Variants in AP2B1 observed in about 807,000 individuals in gnomAD.
The protein encoded by AP2B1 is adaptor related protein complex 2 subunit beta 1.
AP2B1 carries 23 observed loss-of-function variants against 102.0 expected under a neutral mutation model. That is an observed-to-expected ratio of 0.23 (90% CI 0.16 to 0.32). AP2B1 has a LOEUF of 0.32. AP2B1 is among the 10% of genes least tolerant of loss of function. AP2B1 has a pLI of 1.00. For synonymous variants in AP2B1, 381 were observed against 421.2 expected, an observed-to-expected ratio of 0.90 and a Z score of 1.17; for missense variants, 541 against 1,157.4, an observed-to-expected ratio of 0.47 and a Z score of 7.73.
At chr17:35,668,092 C>G (rs1310287424) in intron 14 of AP2B1, among the ~76,000 whole-genome samples, 2 of 151,954 alleles carry the variant, frequency 1.3e-5, no homozygotes, top group African/African-American at 4.8e-5. Context: ...TTCCCGTCAC[C>G]AGGCCCAGCT....
intron 17 of AP2B1, among the ~76,000 whole-genome samples, chr17:35,677,771 C>A (rs1382832104): frequency 1.3e-5 from 2 of 151,474 alleles, no homozygotes; most frequent in East Asian, 3.9e-4. Context: ...TCTTTAATTT[C>A]TTTTTGCAAT....
intron 5 of AP2B1, among the ~76,000 whole-genome samples, chr17:35,612,182 C>G (rs2073884425): frequency 6.6e-6 from 1 of 152,152 alleles, no homozygotes. Context: ...CAGAACTTTT[C>G]TGATATTGTT....
rs988039764 is a variant in AP2B1, at chr17:35,605,896, G to A, written c.279+56G>A. 3.8e-6 allele frequency: 6 copies of A among 1,581,462 alleles called. No individual in the cohort carries two copies. The African/African-American group carries it at 6.8e-5, about 18-fold the overall frequency. ...TTTGAATTGCAAATAAGTAACCTCT[G>A]TTCACAAGGAAGGAGTGTAGGGAAG... On this transcript the variant is annotated intron_variant, in intron 4 of 21. Transcript: ENST00000610402.
chr17:35,667,589 G>A (rs1432010766), intron 14 of AP2B1, among the ~76,000 whole-genome samples: 1 of 152,150 alleles, frequency 6.6e-6, no homozygotes, highest in Admixed American at 6.5e-5. Flanking sequence ...ATCATTCAAC[G>A]ATAAAAAGAA....
intron 18 of AP2B1, among the ~76,000 whole-genome samples, chr17:35,685,227 G>A (rs1430915097): frequency 6.6e-6 from 1 of 152,120 alleles, no homozygotes; most frequent in Non-Finnish European, 1.5e-5. Context: ...AACAAAACTT[G>A]AAAAGAGAAA....
At chr17:35,682,905 T>C (rs1247833811) in intron 18 of AP2B1, 81 bp downstream of exon 18, 1 of 1,335,324 alleles carries the variant, frequency 7.5e-7, no homozygotes, top group East Asian at 3.2e-5. Context: ...AAAGACACAG[T>C]CTTACTCTGT....
At chr17:35,720,947 G>C (rs2085372270) in intron 21 of AP2B1, among the ~76,000 whole-genome samples, 3 of 152,016 alleles carry the variant, frequency 2.0e-5, no homozygotes. Context: ...AGAGGTATCT[G>C]ATTTGCCTAT....
At chr17:35,689,305 G>A (rs1202559140) in intron 18 of AP2B1, among the ~76,000 whole-genome samples, 3 of 152,062 alleles carry the variant, frequency 2.0e-5, no homozygotes, top group Admixed American at 6.6e-5. Context: ...TCGGCCTCCC[G>A]AGTAGCTGGG....
intron 14 of AP2B1, among the ~76,000 whole-genome samples, chr17:35,662,982 C>T (rs1056104987): frequency 3.3e-5 from 5 of 152,202 alleles, no homozygotes; most frequent in Non-Finnish European, 4.4e-5. Context: ...CTGCCTTTTC[C>T]TGACCCTCAG....
Position 35,626,494 on chromosome 17 carries a change from T to C in AP2B1, c.717-127T>C. ...CCCAATTTTACCTAAGCATGGAGCT[T>C]TGACTTTTCTAACTAATTCTTTAAT... On this transcript the variant is annotated intron_variant, in intron 6 of 21. Coordinates refer to ENST00000610402, the MANE Select transcript of AP2B1 (RefSeq NM_001030006.2). 3.7e-6 allele frequency: 3 copies of C among 805,240 alleles called. No homozygotes were observed. The South Asian group carries it at 5.6e-5, about 15-fold the overall frequency. The allele number at this position is 805,240 out of a possible 1,614,324, so 49.9% of individuals were successfully genotyped here.
rs974155993 is a variant in AP2B1 at position 35,705,564 on chromosome 17, C to G, written c.2455-3660C>G. Among the ~76,000 whole-genome samples the G allele has an allele frequency of 2.0e-5, 3 of 152,164 alleles. No homozygotes were observed. The South Asian group carries it at 6.2e-4, about 32-fold the overall frequency. ...TGAGATGGAGCCTTGCTCTGTTGCC[C>G]AGGCTGGAGTGCAGTGGTGCAATCT... On this transcript the variant is annotated intron_variant, in intron 18 of 21. Transcript: ENST00000610402.
chr17:35,674,633 A>G (rs1213696952), intron 17 of AP2B1, among the ~76,000 whole-genome samples: 2 of 152,208 alleles, frequency 1.3e-5, no homozygotes, highest in Non-Finnish European at 2.9e-5. Context: ...TGAACCTGGG[A>G]GGCCAAGGTT....
chr17:35,592,621 C>T (rs560071382), intron 1 of AP2B1, among the ~76,000 whole-genome samples: 51 of 152,298 alleles, frequency 3.3e-4, no homozygotes, highest in Admixed American at 1.2e-3. Context: ...CGGCTTACTG[C>T]AGCTTCCGCC....
chr17:35,687,300 T>G (rs1253213149), intron 18 of AP2B1, among the ~76,000 whole-genome samples: 2 of 151,850 alleles, frequency 1.3e-5, no homozygotes, highest in Non-Finnish European at 2.9e-5. Flanking sequence ...TAAAATTTTT[T>G]GTAGAGACGG....
chr17:35,708,025 A>C (rs1555585661), intron 18 of AP2B1, among the ~76,000 whole-genome samples: 1 of 152,244 alleles, frequency 6.6e-6, no homozygotes, highest in East Asian at 1.9e-4. Flanking sequence ...TTGATACTAA[A>C]TGTAGAAGGA....
At chr17:35,604,869 A>G (rs2073614583) in intron 3 of AP2B1, among the ~76,000 whole-genome samples, 1 of 152,206 alleles carries the variant, frequency 6.6e-6, no homozygotes, top group South Asian at 2.1e-4. Context: ...TTTCATAATA[A>G]AAAGCTTTTT....
intron 14 of AP2B1, among the ~76,000 whole-genome samples, chr17:35,670,438 C>T (rs891809865): frequency 2.6e-5 from 4 of 152,220 alleles, no homozygotes; most frequent in African/African-American, 7.2e-5. Flanking sequence ...TTTCCAACAC[C>T]TCCCCACCCT....
chr17:35,623,259 C>G (rs2074232438), intron 5 of AP2B1, among the ~76,000 whole-genome samples: 1 of 152,042 alleles, frequency 6.6e-6, no homozygotes, highest in African/African-American at 2.4e-5. Context: ...AGTGTACTTT[C>G]TAGTATAAGG....
At chr17:35,589,883 T>C (rs2073032195) in intron 1 of AP2B1, among the ~76,000 whole-genome samples, 1 of 152,112 alleles carries the variant, frequency 6.6e-6, no homozygotes, top group African/African-American at 2.4e-5. Flanking sequence ...ATTAGATTTT[T>C]TTTTTCTTTA....
Sources: allele counts gnomAD v4.1 joint callset (sites outside exome capture counted in the v4.1 genomes callset), GRCh38; gene constraint gnomAD v4.1.1; transcripts MANE v1.5; gene names NCBI Gene and HGNC (gene_info 2026-07-23, HGNC 2026-07-21).